TAPBPL: variants seen among roughly 807,000 people sequenced by gnomAD.
TAPBPL encodes the protein tapasin-related protein.
A neutral mutation model predicts 44.8 loss-of-function variants in TAPBPL; 32 were observed. The observed-to-expected ratio is 0.71, with a 90% CI of 0.54 to 0.96. TAPBPL has a LOEUF of 0.96. TAPBPL is among the 40% of genes least tolerant of loss of function. TAPBPL has a pLI of 0.00. For synonymous variants in TAPBPL, 230 were observed against 240.7 expected (o/e 0.96, Z 0.41); for missense variants, 520 against 586.6 (o/e 0.89, Z 1.17).
chr12:6,460,994 AC>A (rs1949843728), intron 6 of TAPBPL, 56 bp downstream of exon 6: 15 of 1,607,048 alleles, frequency 9.3e-6, no homozygotes, highest in Admixed American at 3.4e-5. Flanking sequence ...CACTCTAACC[AC>A]CCCCCCGCCC....
intron 3 of TAPBPL, among the ~76,000 whole-genome samples, chr12:6,455,978 T>C (rs1949693824): frequency 6.6e-6 from 1 of 152,132 alleles, no homozygotes; most frequent in Non-Finnish European, 1.5e-5. Context: ...CAGGCTGGTC[T>C]TGAACTCCTG....
chr12:6,458,221 C>CA (rs1330065471), intron 4 of TAPBPL, among the ~76,000 whole-genome samples: 2 of 152,032 alleles, frequency 1.3e-5, no homozygotes, highest in Non-Finnish European at 2.9e-5. Context: ...ACTAAAAATA[C>CA]AAAAAATAGC....
downstream of TAPBPL, chr12:6,467,067 C>T: frequency 5.7e-6 from 1 of 176,474 alleles, no homozygotes; most frequent in Non-Finnish European, 1.2e-5. Flanking sequence ...CTTTCACCTG[C>T]CGCCATGATT....
rs776449394 is a variant in TAPBPL, at chr12:6,458,981, C to G, written c.1207+34C>G. The G allele has an allele frequency of 5.0e-6, 8 of 1,596,986 alleles. No individual in the cohort carries two copies. The East Asian group carries it at 1.8e-4, about 36-fold the overall frequency. On this transcript the variant is annotated intron_variant, in intron 5 of 6. Transcript: ENST00000266556. ...AGTGTCCTCCTTTTCCCCACCTCCA[C>G]ACTAGGGCTCATGGCTCTCCTGCCC...
In TAPBPL at chr12:6,458,934, G is replaced by C. The variant is rs746116812; in HGVS notation, c.1194G>C (p.Gln398His). 7 of 1,613,622 alleles carry C rather than the reference G, an allele frequency of 4.3e-6. No individual in the cohort carries two copies. The highest frequency in any genetic ancestry group is 4.0e-5 in the African/African-American group (3 of 74,922). Residue 398 changes from glutamine to histidine, a missense_variant, in exon 5 of 7, where the codon CAG becomes CAC. Coordinates refer to ENST00000266556, the MANE Select transcript of TAPBPL (RefSeq NM_018009.5). The stretch of plus-strand genomic sequence containing the variant: ...AGGAGCCCCTTGGGGCCAGCACCCA[G>C]GTTGTCCCACCAGGTACTGGGAGTG... The part of the protein sequence containing the change: ...SLEEPLGAST[Q>H]VVPPERRTAL...
rs763782394 is a variant in TAPBPL at position 6,457,523 on chromosome 12, G to A, written c.683G>A (p.Arg228Gln). Residue 228 changes from arginine to glutamine, a missense_variant, in exon 4 of 7, where the codon CGA (arginine) becomes CAA (glutamine). Transcript: ENST00000266556. The part of the protein sequence containing the change: ...PGLDLISVEW[R>Q]LQHKGRGQLV... Reference sequence around the variant, plus strand: ...TTGGACCTCATCAGTGTGGAGTGGCGACTGCAGCACAAGGGCAGGGGTCAG... The same window carrying A: ...TTGGACCTCATCAGTGTGGAGTGGCAACTGCAGCACAAGGGCAGGGGTCAG... 73 of 1,614,094 alleles carry A rather than the reference G, an allele frequency of 4.5e-5. No homozygotes were observed. The highest frequency in any genetic ancestry group is 4.5e-5 in the East Asian group (2 of 44,902).
rs146293321 is a variant in TAPBPL at position 6,457,407 on chromosome 12, G to A, written c.567G>A (p.Val189=). ...TCACCCCTCTTTTCCTCTTCACAGT[G>A]GAGTTCCAGGTGATGACACAGACCC... ...LSPQGTVRTA[V]EFQVMTQTQS... Residue 189 remains valine (V), a splice_region_variant and synonymous_variant, in exon 4 of 7, where the codon GTG becomes GTA. Coordinates refer to ENST00000266556, the MANE Select transcript of TAPBPL (RefSeq NM_018009.5). 9.5e-4 allele frequency: 1,539 copies of A among 1,612,688 alleles called. 6 individuals carry two copies. Among genetic ancestry groups the A allele is most frequent in the Non-Finnish European group, 9.5e-4 (1,123 of 1,178,986 alleles).
chr12:6,454,930 T>C (rs1184931585), intron 3 of TAPBPL, among the ~76,000 whole-genome samples: 1 of 151,954 alleles, frequency 6.6e-6, no homozygotes, highest in Non-Finnish European at 1.5e-5. Flanking sequence ...AACCGTCCTA[T>C]CCTTGGAAAA....
At chr12:6,465,430 ATG>A (rs1949994420), downstream of TAPBPL, 1 of 122,014 alleles carries the variant, frequency 8.2e-6, no homozygotes, top group Non-Finnish European at 1.5e-5. Context: ...ATATATATAA[ATG>A]TATATATATG....
chr12:6,461,975 T>C, intron 6 of TAPBPL, 59 bp from the exon 7 acceptor site: 3 of 1,422,210 alleles, frequency 2.1e-6, no homozygotes, highest in Non-Finnish European at 3.0e-6. Flanking sequence ...AGGGAACCTG[T>C]GCTTGTTTGC....
downstream of TAPBPL, among the ~76,000 whole-genome samples, chr12:6,467,981 TG>T (rs1945671095): frequency 6.6e-6 from 1 of 152,262 alleles, no homozygotes; most frequent in Non-Finnish European, 1.5e-5. Context: ...TGGAAACGCC[TG>T]GATGTCCAGG....
At chr12:6,462,411 T>C (rs891760516), downstream of TAPBPL, 4 of 500,276 alleles carry the variant, frequency 8.0e-6, no homozygotes, top group East Asian at 1.3e-4. Context: ...AAACCCCACA[T>C]CGTCTCATGG....
In TAPBPL at chr12:6,460,850, T is replaced by A; in HGVS notation, c.1208-5T>A. 1 of 1,614,046 alleles carries A rather than the reference T, an allele frequency of 6.2e-7. No homozygotes were observed. The highest frequency in any genetic ancestry group is 1.1e-5 in the South Asian group (1 of 91,084). ...GATCCCCGCCCACGTTGCTCTCACC[T>A]ACAGAGCGGAGAACAGCCTTGGGAG... On this transcript the variant is annotated splice_region_variant and splice_polypyrimidine_tract_variant and intron_variant, in intron 5 of 6. Coordinates refer to ENST00000266556, the MANE Select transcript of TAPBPL (RefSeq NM_018009.5).
downstream of TAPBPL, chr12:6,462,658 A>T (rs1228036768): frequency 4.2e-6 from 3 of 717,750 alleles, no homozygotes; most frequent in Non-Finnish European, 6.9e-6. Flanking sequence ...GATTCCTGTG[A>T]TAGGGCTGGG....
chr12:6,462,839 C>T (rs747743898), downstream of TAPBPL: 49 of 1,606,030 alleles, frequency 3.1e-5, no homozygotes, highest in South Asian at 4.1e-4. Context: ...TCTTCAGTCC[C>T]GCCCTTGGGC....
At chr12:6,462,554 A>T, downstream of TAPBPL, 1 of 553,050 alleles carries the variant, frequency 1.8e-6, no homozygotes, top group Non-Finnish European at 3.2e-6. Flanking sequence ...AAGAGGGTAC[A>T]GGGTGGGTGA....
downstream of TAPBPL, chr12:6,464,877 C>T (rs562398205): frequency 3.1e-6 from 5 of 1,614,052 alleles, no homozygotes; most frequent in East Asian, 2.2e-5. Flanking sequence ...CCAGCAACTT[C>T]AGCGATACTT....
chr12:6,465,400 A>ATAC, downstream of TAPBPL: 1 of 87,402 alleles, frequency 1.1e-5, no homozygotes, highest in Non-Finnish European at 2.5e-5. Flanking sequence ...ATATATATAT[A>ATAC]AATGTATATA....
chr12:6,452,442 G>T, intron 1 of TAPBPL, 130 bp downstream of exon 1: 2 of 1,427,880 alleles, frequency 1.4e-6, no homozygotes, highest in Non-Finnish European at 9.3e-7. Flanking sequence ...CCCAACAGGG[G>T]AAAGGCTCAG....
Sources: allele counts gnomAD v4.1 joint callset (sites outside exome capture counted in the v4.1 genomes callset), GRCh38; gene constraint gnomAD v4.1.1; transcripts MANE v1.5; gene names NCBI Gene and HGNC (gene_info 2026-07-23, HGNC 2026-07-21).